CCSER2: variants seen among roughly 807,000 people sequenced by gnomAD.
CCSER2 encodes the protein serine-rich coiled-coil domain-containing protein 2.
Under a neutral mutation model 92.3 loss-of-function variants are expected in CCSER2, and 46 were observed. The observed-to-expected ratio is 0.50, with a 90% CI of 0.39 to 0.64. The LOEUF is 0.64. CCSER2 is among the 30% of genes least tolerant of loss of function. The pLI is 0.00. For synonymous variants in CCSER2, 433 were observed against 431.4 expected (o/e 1.00, Z -0.04); for missense variants, 1,244 against 1,238.9 (o/e 1.00, Z -0.06).
intron 6 of CCSER2, among the ~76,000 whole-genome samples, chr10:84,445,995 T>A (rs1844892164): frequency 6.6e-6 from 1 of 152,210 alleles, no homozygotes; most frequent in South Asian, 2.1e-4. Flanking sequence ...TAATTATAAG[T>A]TGGGTAAATA....
chr10:84,424,897 A>G, intron 4 of CCSER2: 1 of 639,206 alleles, frequency 1.6e-6, no homozygotes, highest in Non-Finnish European at 1.9e-6. Context: ...TGCTTCCCAC[A>G]GGGAGGGCTG....
chr10:84,451,790 GAT>G (rs1845309558), intron 6 of CCSER2, among the ~76,000 whole-genome samples: 1 of 152,150 alleles, frequency 6.6e-6, no homozygotes, highest in Non-Finnish European at 1.5e-5. Context: ...ATGCCAGATA[GAT>G]ATGTTTTTTA....
intron 6 of CCSER2, among the ~76,000 whole-genome samples, chr10:84,458,526 G>A (rs917337940): frequency 2.0e-5 from 3 of 152,038 alleles, no homozygotes; most frequent in East Asian, 3.8e-4. Context: ...GCCTTTTCAT[G>A]TAAATTTTAG....
At chr10:84,494,626 A>G (rs547121203) in intron 9 of CCSER2, among the ~76,000 whole-genome samples, 41 of 152,168 alleles carry the variant, frequency 2.7e-4, no homozygotes, top group Non-Finnish European at 5.0e-4. Flanking sequence ...ACCAAGATCC[A>G]TCTTCTGTAG....
chr10:84,353,410 C>T (rs1195416085), intron 1 of CCSER2, among the ~76,000 whole-genome samples: 3 of 152,160 alleles, frequency 2.0e-5, no homozygotes, highest in East Asian at 1.9e-4. Flanking sequence ...ATTAAAAAAA[C>T]GAGTCTTTAA....
intron 3 of CCSER2, among the ~76,000 whole-genome samples, chr10:84,380,158 G>A (rs541414586): frequency 5.3e-5 from 8 of 152,230 alleles, no homozygotes; most frequent in African/African-American, 1.4e-4. Flanking sequence ...CCCATATGTC[G>A]TCATCTGACT....
At chr10:84,458,515 T>C (rs12771480) in intron 6 of CCSER2, among the ~76,000 whole-genome samples, 8,082 of 152,268 alleles carry the variant, frequency 0.053, 303 homozygotes, top group Non-Finnish European at 0.071. Context: ...TTAGTTCTTT[T>C]GCCTTTTCAT....
chr10:84,458,503 T>C (rs1186883359), intron 6 of CCSER2, among the ~76,000 whole-genome samples: 1 of 152,190 alleles, frequency 6.6e-6, no homozygotes, highest in Admixed American at 6.5e-5. Context: ...TGTTTGACTA[T>C]TTTAGTTCTT....
intron 9 of CCSER2, among the ~76,000 whole-genome samples, chr10:84,512,792 A>C (rs1038084304): frequency 6.6e-6 from 1 of 151,516 alleles, no homozygotes; most frequent in African/African-American, 2.4e-5. Flanking sequence ...TTCACATGTC[A>C]GCCATAATAG....
intron 9 of CCSER2, among the ~76,000 whole-genome samples, chr10:84,485,009 A>G (rs1023993597): frequency 6.6e-6 from 1 of 152,224 alleles, no homozygotes; most frequent in Non-Finnish European, 1.5e-5. Context: ...TCAATACCAG[A>G]TACTAGAACT....
chr10:84,507,349 G>A (rs1207423213), intron 9 of CCSER2: 43 of 983,896 alleles, frequency 4.4e-5, no homozygotes, highest in East Asian at 1.1e-4. Context: ...GTACAATTTC[G>A]GATTTTTTCC....
rs575592149 is a variant in CCSER2 at position 84,495,173 on chromosome 10, T to C, written c.2325+17509T>C. 5.6e-5 allele frequency among the ~76,000 whole-genome samples: 8 copies of C among 143,772 alleles called. No homozygotes were observed. The South Asian group carries it at 1.1e-3, about 20-fold the overall frequency. 94.3% of individuals were successfully genotyped at this position (143,772 alleles called of 152,430 possible). ...ATTTTCTTTTGCATTCAGTTTGATA[T>C]GGTTTTTTTTTTTTTTCTCTTGAGA... On this transcript the variant is annotated intron_variant, in intron 9 of 9. Transcript: ENST00000372088.
At chr10:84,446,096 T>C (rs1294100952) in intron 6 of CCSER2, among the ~76,000 whole-genome samples, 1 of 152,184 alleles carries the variant, frequency 6.6e-6, no homozygotes, top group Non-Finnish European at 1.5e-5. Flanking sequence ...ATTTTTTGTT[T>C]GCTCTTATCA....
At chr10:84,512,749 G>T in intron 9 of CCSER2, among the ~76,000 whole-genome samples, 1 of 152,160 alleles carries the variant, frequency 6.6e-6, no homozygotes, top group East Asian at 1.9e-4. Context: ...TTAAGTAAAT[G>T]AATGTTTACT....
At chr10:84,476,524 A>G (rs998917411) in intron 8 of CCSER2, among the ~76,000 whole-genome samples, 1 of 139,378 alleles carries the variant, frequency 7.2e-6, no homozygotes, top group African/African-American at 2.7e-5. Flanking sequence ...TGCTCACTGC[A>G]AGCTCTGCTT....
chr10:84,460,233 G>A (rs1392466246), intron 6 of CCSER2, among the ~76,000 whole-genome samples: 1 of 148,970 alleles, frequency 6.7e-6, no homozygotes, highest in Non-Finnish European at 1.5e-5. Context: ...GGGACTATGG[G>A]CATGCGCCAC....
intron 4 of CCSER2, among the ~76,000 whole-genome samples, chr10:84,425,416 T>C (rs957193510): frequency 1.3e-5 from 2 of 152,190 alleles, no homozygotes; most frequent in Non-Finnish European, 2.9e-5. Flanking sequence ...TAAAACTGAT[T>C]ATGAGTGTTT....
intron 3 of CCSER2, among the ~76,000 whole-genome samples, chr10:84,390,486 A>G (rs1231729701): frequency 2.6e-5 from 4 of 152,194 alleles, no homozygotes; most frequent in Non-Finnish European, 4.4e-5. Flanking sequence ...GGCAATTGTA[A>G]CAATAACGAT....
intron 1 of CCSER2, among the ~76,000 whole-genome samples, chr10:84,358,721 A>G (rs1845337448): frequency 6.6e-6 from 1 of 150,866 alleles, no homozygotes; most frequent in Non-Finnish European, 1.5e-5. Context: ...TTTATTAATT[A>G]TACACAGACA....
Sources: gnomAD v4.1 joint callset for allele counts (sites outside exome capture counted in the v4.1 genomes callset) on GRCh38, gnomAD v4.1.1 for gene constraint, MANE v1.5 for transcripts, NCBI Gene and HGNC (gene_info 2026-07-23, HGNC 2026-07-21) for gene names.